The following DPYD variants were observed in gnomAD, a reference collection of about 807,000 sequenced individuals.
The protein encoded by DPYD is dihydropyrimidine dehydrogenase.
A neutral mutation model predicts 116.2 loss-of-function variants in DPYD; 109 were observed. The observed-to-expected ratio is 0.94, with a 90% CI of 0.80 to 1.10. The LOEUF is 1.10. Ranked by LOEUF, DPYD falls within the 50% of genes least tolerant of loss-of-function variation. DPYD has a pLI of 0.00. For synonymous variants in DPYD, 440 were observed against 432.0 expected (o/e 1.02, Z -0.23); for missense variants, 1,302 against 1,254.5 (o/e 1.04, Z -0.57).
chr1:97,173,478 GTATA>G lies in DPYD; in HGVS notation c.2622+19587_2622+19590del, dbSNP rs539903109. Among the ~76,000 whole-genome samples, 20 of 147,380 alleles carry G rather than the reference GTATA, an allele frequency of 1.4e-4. No homozygotes were observed. The East Asian group carries it at 3.5e-3, about 26-fold the overall frequency. ...GAGTATATATATACACACATAATGT[GTATA>G]TATATACACGCATATATAAAATACA... On this transcript the variant is annotated intron_variant, in intron 20 of 22. Coordinates refer to ENST00000370192, the MANE Select transcript of DPYD (RefSeq NM_000110.4).
In DPYD at chr1:97,142,886, T is replaced by C. The variant is rs1310016414; in HGVS notation, c.2623-44254A>G. ...TGATCAATAATTCTTTAGAGACTTA[T>C]AGAAAACTTTCAAAAGCTATTGCTT... is the stretch of plus-strand genomic sequence containing the variant. On this transcript the variant is annotated intron_variant, in intron 20 of 22. Coordinates refer to ENST00000370192, the MANE Select transcript of DPYD (RefSeq NM_000110.4). 5.3e-5 allele frequency among the ~76,000 whole-genome samples: 8 copies of C among 152,206 alleles called. No homozygotes were observed. In the East Asian group the frequency reaches 9.7e-4, roughly 18 times the overall value.
At chr1:97,791,075 AAC>A (rs1265799339) in intron 3 of DPYD, among the ~76,000 whole-genome samples, 4 of 152,174 alleles carry the variant, frequency 2.6e-5, no homozygotes, top group Admixed American at 6.5e-5. Flanking sequence ...AATGTACATA[AAC>A]ACAGATTTTT....
chr1:97,541,874 T>A (rs1212490869), intron 12 of DPYD, among the ~76,000 whole-genome samples: 3 of 152,210 alleles, frequency 2.0e-5, no homozygotes, highest in African/African-American at 7.2e-5. Flanking sequence ...GTAATTCTTA[T>A]TCATTTGGTA....
At chr1:97,501,435 C>T (rs1314027136) in intron 13 of DPYD, among the ~76,000 whole-genome samples, 15 of 151,930 alleles carry the variant, frequency 9.9e-5, no homozygotes, top group South Asian at 2.1e-4. Context: ...GGTGCAGTGA[C>T]GCACACCTAT....
chr1:97,759,858 T>C (rs546855851), intron 3 of DPYD, among the ~76,000 whole-genome samples: 113 of 152,248 alleles, frequency 7.4e-4, no homozygotes, highest in Non-Finnish European at 1.4e-3. Context: ...ATGTGATCCA[T>C]AACTTACACA....
chr1:97,257,452 T>TATATAGAGAGAGAGAGAGAG (rs375490078), intron 18 of DPYD, among the ~76,000 whole-genome samples: 82 of 126,452 alleles, frequency 6.5e-4, no homozygotes, highest in East Asian at 2.7e-3. Flanking sequence ...TATATATATA[T>TATATAGAGAGAGAGAGAGAG]AGAGAGAGAG....
chr1:97,669,974 T>C (rs1019829506), intron 8 of DPYD, among the ~76,000 whole-genome samples: 1 of 152,156 alleles, frequency 6.6e-6, no homozygotes, highest in African/African-American at 2.4e-5. Flanking sequence ...GTGTGGTTTG[T>C]AGTGTGAAAA....
chr1:97,356,108 T>A (rs1457604494), intron 16 of DPYD, among the ~76,000 whole-genome samples: 2 of 152,316 alleles, frequency 1.3e-5, no homozygotes, highest in African/African-American at 4.8e-5. Context: ...TGTTGTCTTT[T>A]TGATAACAGC....
intron 16 of DPYD, among the ~76,000 whole-genome samples, chr1:97,346,976 C>T (rs1172934773): frequency 6.6e-6 from 1 of 151,494 alleles, no homozygotes; most frequent in Admixed American, 6.6e-5. Flanking sequence ...TGATTTGGGG[C>T]CTTTTAAACA....
intron 1 of DPYD, among the ~76,000 whole-genome samples, chr1:97,910,543 C>T (rs1386132938): frequency 6.6e-6 from 1 of 152,024 alleles, no homozygotes; most frequent in Non-Finnish European, 1.5e-5. Context: ...TGATTTCTAT[C>T]CCCACTTTTA....
intron 8 of DPYD, among the ~76,000 whole-genome samples, chr1:97,634,170 A>C (rs982147902): frequency 2.0e-5 from 3 of 152,134 alleles, no homozygotes; most frequent in African/African-American, 7.2e-5. Context: ...AATAGGAAGG[A>C]CAGTTTATAG....
Position 97,699,510 on chromosome 1 carries a change from G to C in DPYD, c.521C>G (p.Pro174Arg), listed in dbSNP as rs374827081. ...KAMSIPQIRNPSLPPPEKMSE... is the reference protein window; with the variant it reads ...KAMSIPQIRNRSLPPPEKMSE... ...CATTTTTTCTGGGGGAGGCAGCGAA[G>C]GATTTCTGATCTGTGGGATACTCAT... is the stretch of plus-strand genomic sequence containing the variant. The change falls in exon 6 of 23, where the codon CCT (proline) becomes CGT (arginine). Residue 174 changes from proline to arginine, a missense_variant. Pro to Arg is a moderately radical substitution (Grantham distance 103, BLOSUM62 -2). Coordinates refer to ENST00000370192, the MANE Select transcript of DPYD (RefSeq NM_000110.4). 97 of 1,613,326 alleles carry C rather than the reference G, an allele frequency of 6.0e-5. No individual in the cohort carries two copies. The highest frequency in any genetic ancestry group is 8.1e-5 in the Non-Finnish European group (96 of 1,179,562).
chr1:97,744,480 T>C (rs1053357610), intron 3 of DPYD, among the ~76,000 whole-genome samples: 3 of 152,034 alleles, frequency 2.0e-5, no homozygotes, highest in African/African-American at 7.2e-5. Context: ...CACACAAAGC[T>C]ATCTGAAACC....
At chr1:97,156,827 T>C (rs1363093577) in intron 20 of DPYD, among the ~76,000 whole-genome samples, 1 of 152,178 alleles carries the variant, frequency 6.6e-6, no homozygotes, top group South Asian at 2.1e-4. Flanking sequence ...CGTATGTTTA[T>C]TGTGGCTCTA....
At chr1:97,597,074 G>A (rs1393065501) in intron 8 of DPYD, among the ~76,000 whole-genome samples, 1 of 152,064 alleles carries the variant, frequency 6.6e-6, no homozygotes. Context: ...GGAGGGATGG[G>A]GTTGGTAAAA....
intron 18 of DPYD, among the ~76,000 whole-genome samples, chr1:97,243,384 C>T (rs1005675407): frequency 1.3e-5 from 2 of 151,860 alleles, no homozygotes; most frequent in Non-Finnish European, 1.5e-5. Flanking sequence ...TTGTGCTGGT[C>T]ACATTACTAT....
intron 11 of DPYD, among the ~76,000 whole-genome samples, chr1:97,560,135 A>G (rs1288992480): frequency 6.6e-6 from 1 of 152,182 alleles, no homozygotes; most frequent in African/African-American, 2.4e-5. Context: ...CAAATAAATC[A>G]CAAGGCTGGG....
At chr1:97,809,701 T>G (rs1442317918) in intron 3 of DPYD, among the ~76,000 whole-genome samples, 1 of 152,038 alleles carries the variant, frequency 6.6e-6, no homozygotes, top group African/African-American at 2.4e-5. Flanking sequence ...ATCACAGAAT[T>G]AAGTGTCTGA....
At chr1:97,702,233 T>C (rs1050191532) in intron 5 of DPYD, among the ~76,000 whole-genome samples, 4 of 151,330 alleles carry the variant, frequency 2.6e-5, no homozygotes, top group African/African-American at 9.7e-5. Flanking sequence ...ATATATATTT[T>C]ATTAGATCAT....
Sources: gnomAD v4.1 joint callset for allele counts (sites outside exome capture counted in the v4.1 genomes callset) on GRCh38, gnomAD v4.1.1 for gene constraint, MANE v1.5 for transcripts, NCBI Gene and HGNC (gene_info 2026-07-23, HGNC 2026-07-21) for gene names.